NEK11: variants seen among roughly 807,000 people sequenced by gnomAD.
NEK11 encodes the protein NIMA related kinase 11, also known as serine/threonine-protein kinase Nek11.
NEK11 carries 72 observed loss-of-function variants against 80.7 expected under a neutral mutation model. The observed-to-expected ratio is 0.89, with a 90% CI of 0.74 to 1.08. The LOEUF (loss-of-function observed/expected upper bound fraction) is 1.08. Among genes scored for constraint, NEK11 ranks in the 50% least tolerant of loss-of-function variants. The pLI is 0.00. For missense variants in NEK11, 764 were observed against 763.6 expected (o/e 1.00, Z -0.01); for synonymous variants, 251 against 260.7 (o/e 0.96, Z 0.36).
At chr3:131,052,203 C>T (rs540940552) in intron 3 of NEK11, among the ~76,000 whole-genome samples, 1 of 142,312 alleles carries the variant, frequency 7.0e-6, no homozygotes, top group Non-Finnish European at 1.5e-5. Context: ...GTGTGTAGAA[C>T]ATTTCCCCAT....
chr3:131,287,087 G>C (rs892170690), intron 17 of NEK11, among the ~76,000 whole-genome samples: 9 of 152,150 alleles, frequency 5.9e-5, no homozygotes, highest in Admixed American at 3.9e-4. Flanking sequence ...CTGTCCATCT[G>C]TGCCCATGGA....
intron 3 of NEK11, among the ~76,000 whole-genome samples, chr3:131,071,491 A>AT (rs1304325087): frequency 6.6e-6 from 1 of 151,600 alleles, no homozygotes; most frequent in African/African-American, 2.4e-5. Context: ...CTTGCCTCTC[A>AT]TTTTAGATTA....
intron 3 of NEK11, among the ~76,000 whole-genome samples, chr3:131,048,817 C>CT (rs1019716075): frequency 6.6e-6 from 1 of 152,210 alleles, no homozygotes; most frequent in Non-Finnish European, 1.5e-5. Context: ...TCCACCATTT[C>CT]TTTTTCTAGT....
chr3:131,080,728 A>G, intron 4 of NEK11, 140 bp downstream of exon 4: 1 of 699,132 alleles, frequency 1.4e-6, no homozygotes, highest in Admixed American at 3.3e-5. Flanking sequence ...TCTTGCAGCT[A>G]AGAATGATTA....
At chr3:131,066,856 A>G (rs1560240370) in intron 3 of NEK11, among the ~76,000 whole-genome samples, 1 of 147,720 alleles carries the variant, frequency 6.8e-6, no homozygotes, top group African/African-American at 2.4e-5. Context: ...AAAAAAAAAA[A>G]AAGAAAAGAA....
At chr3:131,311,851 A>T (rs2096785198) in intron 17 of NEK11, among the ~76,000 whole-genome samples, 2 of 152,256 alleles carry the variant, frequency 1.3e-5, no homozygotes, top group Admixed American at 6.5e-5. Context: ...TTTAGCAAAA[A>T]TTGTAAACCA....
intron 10 of NEK11, 137 bp downstream of exon 10, chr3:131,155,258 G>A: frequency 1.6e-6 from 1 of 616,446 alleles, no homozygotes; most frequent in South Asian, 2.2e-5. Flanking sequence ...AAATTAAGGA[G>A]CTTCAGGAAC....
At chr3:131,268,364 A>C (rs1236398767) in intron 16 of NEK11, among the ~76,000 whole-genome samples, 1 of 152,194 alleles carries the variant, frequency 6.6e-6, no homozygotes, top group East Asian at 1.9e-4. Flanking sequence ...TGATTTTTGA[A>C]ATTTTCAGTC....
intron 6 of NEK11, 68 bp from the exon 7 acceptor site, chr3:131,133,762 G>A (rs2084989782): frequency 7.7e-7 from 1 of 1,303,552 alleles, no homozygotes; most frequent in South Asian, 1.3e-5. Context: ...CACTCATTCA[G>A]TTGTTAATTT....
intron 15 of NEK11, among the ~76,000 whole-genome samples, chr3:131,229,444 A>G (rs1380923160): frequency 6.6e-6 from 1 of 152,116 alleles, no homozygotes; most frequent in Admixed American, 6.6e-5. Flanking sequence ...AACTTCCATG[A>G]GTTACAGAAG....
At chr3:131,156,484 G>A (rs2090660195) in intron 10 of NEK11, among the ~76,000 whole-genome samples, 1 of 152,170 alleles carries the variant, frequency 6.6e-6, no homozygotes, top group Admixed American at 6.5e-5. Flanking sequence ...AAGACTTTTA[G>A]AAGTGTGCCA....
At position 131,124,331 on chromosome 3, in the gene NEK11, C is replaced by T. The variant is rs150663995; in HGVS notation, c.456-8414C>T. ...TTCTATTATCTGGGCTACTTCCTAA[C>T]TCTGTGGAGGCAGAGGCACACTTGA... On this transcript the variant is annotated intron_variant, in intron 5 of 17. Transcript: ENST00000383366. 6.7e-3 allele frequency among the ~76,000 whole-genome samples: 1,017 copies of T among 152,178 alleles called. 7 individuals are homozygous for T. Among genetic ancestry groups the T allele is most frequent in the Non-Finnish European group, 0.01 (689 of 68,034 alleles).
chr3:131,222,898 A>C (rs1375232048), intron 14 of NEK11, among the ~76,000 whole-genome samples: 1 of 152,240 alleles, frequency 6.6e-6, no homozygotes, highest in Admixed American at 6.5e-5. Flanking sequence ...TTTGGGTCTT[A>C]ATTGAAGGAT....
Position 131,080,576 on chromosome 3 carries a change from G to C in NEK11, c.324G>C (p.Thr108=). ...FVEQDNFCII[T]EYCEGRDLDD... is the part of the protein sequence containing the mutation. ...AGCAAGATAATTTCTGCATTATCAC[G>C]GAGTACTGTGAGGTGAGACTCTCCT... The change falls in exon 4 of 18, where the codon ACG becomes ACC. Residue 108 remains threonine, a synonymous_variant. Coordinates refer to ENST00000383366, the MANE Select transcript of NEK11 (RefSeq NM_024800.5). 1 of 1,612,140 alleles carries C rather than the reference G, an allele frequency of 6.2e-7. No homozygotes were observed. Among genetic ancestry groups the C allele is most frequent in the Non-Finnish European group, 8.5e-7 (1 of 1,179,494 alleles).
At chr3:131,099,991 G>T (rs1292835012) in intron 4 of NEK11, among the ~76,000 whole-genome samples, 1 of 152,132 alleles carries the variant, frequency 6.6e-6, no homozygotes, top group Non-Finnish European at 1.5e-5. Context: ...ACTTCCAGTA[G>T]TATGTTGAAT....
Position 131,109,790 on chromosome 3 carries a change from C to A in NEK11, c.337-13C>A. ...AGCTGAAAAAATATGAAAGATTATG[C>A]TCTTCATTTCAGGGCCGAGATCTGG... is the stretch of plus-strand genomic sequence containing the variant. On this transcript the variant is annotated splice_polypyrimidine_tract_variant and intron_variant, in intron 4 of 17. Transcript: ENST00000383366. The A allele has an allele frequency of 6.4e-7, 1 of 1,573,382 alleles. No homozygotes were observed. Among genetic ancestry groups the A allele is most frequent in the Non-Finnish European group, 8.6e-7 (1 of 1,167,062 alleles).
At chr3:131,320,829 A>G (rs980490954) in intron 17 of NEK11, among the ~76,000 whole-genome samples, 1 of 152,260 alleles carries the variant, frequency 6.6e-6, no homozygotes, top group East Asian at 1.9e-4. Context: ...GAACTACAAA[A>G]CACTGCTAAG....
chr3:131,056,350 T>G (rs2069492208), intron 3 of NEK11, among the ~76,000 whole-genome samples: 1 of 152,198 alleles, frequency 6.6e-6, no homozygotes, highest in Admixed American at 6.5e-5. Context: ...GACTGTGTTT[T>G]CCAGATTTCA....
intron 17 of NEK11, among the ~76,000 whole-genome samples, chr3:131,331,795 G>A (rs2097090157): frequency 6.6e-6 from 1 of 152,202 alleles, no homozygotes; most frequent in South Asian, 2.1e-4. Flanking sequence ...TTAAAAAACG[G>A]TGCACTAGGA....
Sources: gnomAD v4.1 joint callset for allele counts (sites outside exome capture counted in the v4.1 genomes callset) on GRCh38, gnomAD v4.1.1 for gene constraint, MANE v1.5 for transcripts, NCBI Gene and HGNC (gene_info 2026-07-23, HGNC 2026-07-21) for gene names.